FMN1: variants seen among roughly 807,000 people sequenced by gnomAD.
FMN1 encodes formin 1.
In FMN1, 110 loss-of-function variants were observed where a neutral mutation model predicts 132.4. The observed-to-expected ratio is 0.83, with a 90% CI of 0.71 to 0.97. The LOEUF is 0.97. Ranked by LOEUF, FMN1 falls within the 50% of genes least tolerant of loss-of-function variation. The pLI is 0.00. For missense variants in FMN1, 1,792 were observed against 1,705.3 expected (o/e 1.05, Z -0.90); for synonymous variants, 722 against 651.7 (o/e 1.11, Z -1.64).
intron 16 of FMN1, among the ~76,000 whole-genome samples, chr15:32,868,972 A>G (rs964905142): frequency 6.6e-6 from 1 of 152,170 alleles, no homozygotes; most frequent in Non-Finnish European, 1.5e-5. Flanking sequence ...ATAGGCCTCT[A>G]TTTCAGACTG....
intron 6 of FMN1, among the ~76,000 whole-genome samples, chr15:33,033,608 C>T (rs932022511): frequency 1.3e-5 from 2 of 151,942 alleles, no homozygotes; most frequent in Non-Finnish European, 2.9e-5. Context: ...TTTTTTCCAC[C>T]TTAATTAAAA....
At chr15:33,158,545 G>A (rs1420454452) in intron 3 of FMN1, among the ~76,000 whole-genome samples, 2 of 152,086 alleles carry the variant, frequency 1.3e-5, no homozygotes, top group Admixed American at 6.5e-5. Flanking sequence ...AACCAAAGAG[G>A]AGCAGAACAG....
At chr15:32,786,412 CA>C (rs2056879694) in intron 19 of FMN1, among the ~76,000 whole-genome samples, 1 of 152,124 alleles carries the variant, frequency 6.6e-6, no homozygotes, top group Admixed American at 6.6e-5. Flanking sequence ...TTTGCTCTAC[CA>C]GTCATTATCA....
chr15:32,814,475 A>C (rs1378492182), intron 17 of FMN1, among the ~76,000 whole-genome samples: 1 of 152,188 alleles, frequency 6.6e-6, no homozygotes, highest in Non-Finnish European at 1.5e-5. Flanking sequence ...TCATGTAGGG[A>C]AACTAAACTC....
chr15:32,781,785 A>C (rs2056672442), intron 19 of FMN1, among the ~76,000 whole-genome samples: 1 of 152,226 alleles, frequency 6.6e-6, no homozygotes, highest in Admixed American at 6.5e-5. Context: ...ATCTCTTTAA[A>C]GTGTGAATAA....
chr15:32,955,669 A>C (rs1479521496), intron 9 of FMN1, among the ~76,000 whole-genome samples: 1 of 152,206 alleles, frequency 6.6e-6, no homozygotes, highest in Non-Finnish European at 1.5e-5. Flanking sequence ...TTAAAGCATA[A>C]ATATTTAGAA....
rs541620056 is a variant in FMN1 at position 32,975,748 on chromosome 15, C to T, written c.2224-6271G>A. 2.6e-5 allele frequency among the ~76,000 whole-genome samples: 4 copies of T among 152,146 alleles called. No homozygotes were observed. In the East Asian group the frequency reaches 5.8e-4, roughly 22 times the overall value. On this transcript the variant is annotated intron_variant, in intron 7 of 20. Transcript: ENST00000616417. ...TTCACAGTCAGCTCAAAGGCTATTC[C>T]CATACATATCATAAACCACCCGGTA...
At chr15:32,810,647 G>T (rs1046214708) in intron 17 of FMN1, among the ~76,000 whole-genome samples, 1 of 152,212 alleles carries the variant, frequency 6.6e-6, no homozygotes, top group Non-Finnish European at 1.5e-5. Flanking sequence ...TTATTCTCAA[G>T]AGGGTGGCAT....
intron 4 of FMN1, among the ~76,000 whole-genome samples, chr15:33,101,323 A>T (rs542879608): frequency 2.0e-5 from 3 of 152,266 alleles, no homozygotes; most frequent in South Asian, 2.1e-4. Flanking sequence ...TGGTATTCTA[A>T]TTTCAAACTA....
intron 12 of FMN1, among the ~76,000 whole-genome samples, chr15:32,904,251 C>T (rs1312608373): frequency 6.6e-6 from 1 of 152,080 alleles, no homozygotes; most frequent in Non-Finnish European, 1.5e-5. Context: ...CCCCGGAGCC[C>T]TGTGATGCTC....
At chr15:33,132,324 G>A (rs757514045) in intron 4 of FMN1, among the ~76,000 whole-genome samples, 1 of 152,038 alleles carries the variant, frequency 6.6e-6, no homozygotes. Context: ...TCTCATTCCC[G>A]CTCTCTTGTA....
intron 2 of FMN1, among the ~76,000 whole-genome samples, chr15:33,185,127 TG>T (rs1178587367): frequency 6.6e-6 from 1 of 152,226 alleles, no homozygotes; most frequent in East Asian, 1.9e-4. Context: ...ATCTGCTTGC[TG>T]TGGTAAGTGA....
At chr15:32,815,790 G>C (rs1229675414) in intron 17 of FMN1, among the ~76,000 whole-genome samples, 1 of 152,200 alleles carries the variant, frequency 6.6e-6, no homozygotes, top group Admixed American at 6.5e-5. Context: ...TAATGATGGT[G>C]ATGAACATTC....
At chr15:33,084,152 T>C (rs974898054) in intron 5 of FMN1, among the ~76,000 whole-genome samples, 1 of 152,250 alleles carries the variant, frequency 6.6e-6, no homozygotes, top group Non-Finnish European at 1.5e-5. Flanking sequence ...CACTGTGCTC[T>C]GCCTATGGAG....
Position 32,964,088 on chromosome 15 carries a change from T to C in FMN1, c.3138+19A>G. 6.3e-7 allele frequency: 1 copy of C among 1,588,372 alleles called. No individual in the cohort carries two copies. Among genetic ancestry groups the C allele is most frequent in the Non-Finnish European group, 8.6e-7 (1 of 1,160,426 alleles). ...CCTGTATAATATATAATTACAGCTT[T>C]GCCATAATCACTCAGTACCTTTTTG... On this transcript the variant is annotated intron_variant, in intron 9 of 20. Coordinates refer to ENST00000616417, the MANE Select transcript of FMN1 (RefSeq NM_001277313.2).
At chr15:32,953,222 G>GT (rs2061691523) in intron 9 of FMN1, among the ~76,000 whole-genome samples, 1 of 152,186 alleles carries the variant, frequency 6.6e-6, no homozygotes, top group Admixed American at 6.5e-5. Flanking sequence ...GTGGCTTTTC[G>GT]TAACTTCTGG....
chr15:33,013,943 C>T (rs983612954), intron 6 of FMN1, among the ~76,000 whole-genome samples: 5 of 152,194 alleles, frequency 3.3e-5, no homozygotes, highest in African/African-American at 4.8e-5. Context: ...TGACAGATAT[C>T]GCTATGACTA....
At chr15:32,829,074 G>A (rs2058440014) in intron 17 of FMN1, among the ~76,000 whole-genome samples, 1 of 152,148 alleles carries the variant, frequency 6.6e-6, no homozygotes, top group Non-Finnish European at 1.5e-5. Flanking sequence ...CAGGTCATTT[G>A]GTCACAGACT....
intron 5 of FMN1, chr15:33,066,866 G>C (rs768408078): frequency 1.9e-6 from 3 of 1,614,010 alleles, no homozygotes; most frequent in Admixed American, 1.7e-5. Flanking sequence ...CTCCAGGAGA[G>C]TGGGAGTGGC....
Sources: allele counts gnomAD v4.1 joint callset (sites outside exome capture counted in the v4.1 genomes callset), GRCh38; gene constraint gnomAD v4.1.1; transcripts MANE v1.5; gene names NCBI Gene and HGNC (gene_info 2026-07-23, HGNC 2026-07-21).